KAZN: variants seen among roughly 807,000 people sequenced by gnomAD.
KAZN encodes kazrin, periplakin interacting protein.
Under a neutral mutation model 87.4 loss-of-function variants are expected in KAZN, and 40 were observed. The observed-to-expected ratio is 0.46, with a 90% CI of 0.36 to 0.60. The LOEUF is 0.60. KAZN is among the 20% of genes least tolerant of loss of function. The probability of loss-of-function intolerance (pLI) is 0.00; values close to 1 mark genes in which losing one functional copy is unlikely to be tolerated. For missense variants in KAZN, 898 were observed against 1,073.9 expected, an observed-to-expected ratio of 0.84 and a Z score of 2.29; for synonymous variants, 466 against 458.3, an observed-to-expected ratio of 1.02 and a Z score of -0.22.
intron 2 of KAZN, among the ~76,000 whole-genome samples, chr1:14,513,916 T>A (rs1671055193): frequency 6.6e-6 from 1 of 152,002 alleles, no homozygotes; most frequent in Middle Eastern, 3.2e-3. Flanking sequence ...AAAAAAAAAT[T>A]TCTGAGATTC....
At chr1:14,371,994 G>A (rs796438713) in intron 2 of KAZN, among the ~76,000 whole-genome samples, 3 of 152,314 alleles carry the variant, frequency 2.0e-5, no homozygotes, top group African/African-American at 7.2e-5. Flanking sequence ...TCTGCAAAAA[G>A]AAGAATCACT....
chr1:14,960,676 T>G lies in KAZN; in HGVS notation c.227-8T>G, dbSNP rs1391943166. The G allele has an allele frequency of 1.9e-6, 3 of 1,558,724 alleles. No individual in the cohort carries two copies. Among genetic ancestry groups the G allele is most frequent in the Non-Finnish European group, 2.6e-6 (3 of 1,150,518 alleles). ...CCTGTCCTCTAACCCTGTGCCCTTC[T>G]CCCCTAGTGCTCCTGCGGGAAGAAG... On this transcript the variant is annotated splice_polypyrimidine_tract_variant and splice_region_variant and intron_variant, in intron 1 of 14. Coordinates refer to ENST00000376030, the MANE Select transcript of KAZN (RefSeq NM_201628.3).
At chr1:15,104,286 A>C in intron 13 of KAZN, 97 bp downstream of exon 13, 1 of 1,220,218 alleles carries the variant, frequency 8.2e-7, no homozygotes, top group Non-Finnish European at 1.1e-6. Context: ...CTGGCCCATC[A>C]CTTACTGCCT....
At position 14,097,685 on chromosome 1, in the gene KAZN, G is replaced by A. The variant is rs138985047; in HGVS notation, c.92-82750G>A. On this transcript the variant is annotated intron_variant, in intron 1 of 16. Coordinates refer to the KAZN transcript ENST00000636203. ...GAATATCTGGTTTGTTCTTTATCTT[G>A]TGAATTGAACCTGTTATAGAATACT... Among the ~76,000 whole-genome samples the A allele has an allele frequency of 2.7e-4, 41 of 152,294 alleles. No homozygotes were observed. The East Asian group carries it at 6.7e-3, about 25-fold the overall frequency.
rs769786335 is a variant in KAZN, at chr1:14,773,626, C to T, written c.226+174403C>T. 1.2e-4 allele frequency among the ~76,000 whole-genome samples: 19 copies of T among 152,172 alleles called. No homozygotes were observed. The highest frequency in any genetic ancestry group is 2.8e-4 in the Non-Finnish European group (19 of 68,034). ...TGGAAATGAGGTCAGGCACCCGCCA[C>T]CCGGTTCTCCTTCTTCCTCTTCTAA... On this transcript the variant is annotated intron_variant, in intron 1 of 14. Coordinates refer to ENST00000376030, the MANE Select transcript of KAZN (RefSeq NM_201628.3). The surrounding 1 kb of genome is among the most constrained non-coding windows in gnomAD (Gnocchi z 5.9).
At chr1:15,083,364 G>A (rs908610761) in intron 8 of KAZN, among the ~76,000 whole-genome samples, 1 of 152,192 alleles carries the variant, frequency 6.6e-6, no homozygotes, top group African/African-American at 2.4e-5. Flanking sequence ...GGTGCACTGG[G>A]CCTGTCCGGC....
At chr1:14,879,304 AAG>A (rs1409386219) in intron 1 of KAZN, among the ~76,000 whole-genome samples, 1 of 152,206 alleles carries the variant, frequency 6.6e-6, no homozygotes, top group Non-Finnish European at 1.5e-5. Flanking sequence ...AAATTAATAT[AAG>A]TGAAGCACAC....
chr1:14,066,418 T>G lies in KAZN; in HGVS notation c.92-114017T>G, dbSNP rs941587137. ...ACACCATTGGGAAAGGAGAATTCAA[T>G]CTCCTTGAATCTGAATTCCTGTTGA... On this transcript the variant is annotated intron_variant, in intron 1 of 16. Transcript: ENST00000636203. 4.6e-5 allele frequency among the ~76,000 whole-genome samples: 7 copies of G among 152,338 alleles called. 1 individual carries two copies. The highest frequency in any genetic ancestry group is 4.6e-4 in the Admixed American group (7 of 15,304).
intron 1 of KAZN, among the ~76,000 whole-genome samples, chr1:14,604,938 C>T (rs537900390): frequency 6.6e-6 from 1 of 152,326 alleles, no homozygotes; most frequent in Admixed American, 6.5e-5. Context: ...TCTCCTCTGT[C>T]CTCTTCCACC....
intron 1 of KAZN, among the ~76,000 whole-genome samples, chr1:14,760,937 A>G (rs987594303): frequency 3.3e-5 from 5 of 152,236 alleles, no homozygotes; most frequent in African/African-American, 1.2e-4. Flanking sequence ...TGAGGCAGCC[A>G]TAGACAATAT....
At chr1:14,580,507 TAAATAA>T (rs1178402175) in intron 2 of KAZN, among the ~76,000 whole-genome samples, 4 of 143,704 alleles carry the variant, frequency 2.8e-5, no homozygotes, top group African/African-American at 1.0e-4. Flanking sequence ...AATAAATAAA[TAAATAA>T]ATAAAGTATA....
rs1644962571 is a variant in KAZN at position 14,769,311 on chromosome 1, G to C, written c.226+170088G>C. Among the ~76,000 whole-genome samples the C allele has an allele frequency of 2.0e-5, 3 of 152,150 alleles. No individual in the cohort carries two copies. The highest frequency in any genetic ancestry group is 2.0e-4 in the Admixed American group (3 of 15,272). On this transcript the variant is annotated intron_variant, in intron 1 of 14. Transcript: ENST00000376030. The surrounding 1 kb of genome is among the most constrained non-coding windows in gnomAD (Gnocchi z 4.1). Reference sequence around the variant, plus strand: ...GTTATTGGCTTTTGGAAAGTCCCCTGAGTGTAGGGAACTATACCTTGGTCA... The same window carrying C: ...GTTATTGGCTTTTGGAAAGTCCCCTCAGTGTAGGGAACTATACCTTGGTCA...
At chr1:14,370,420 G>T (rs1024025622) in intron 2 of KAZN, among the ~76,000 whole-genome samples, 3 of 152,218 alleles carry the variant, frequency 2.0e-5, no homozygotes, top group Admixed American at 2.0e-4. Flanking sequence ...GATCTGAGCT[G>T]AGGCTCAGTT....
intron 1 of KAZN, among the ~76,000 whole-genome samples, chr1:14,808,026 C>G (rs1646278517): frequency 6.6e-6 from 1 of 152,134 alleles, no homozygotes; most frequent in Non-Finnish European, 1.5e-5. Flanking sequence ...AGTTCTTTAG[C>G]CTATACCTGC....
intron 2 of KAZN, among the ~76,000 whole-genome samples, chr1:14,235,020 A>G (rs369833910): frequency 2.8e-4 from 43 of 152,376 alleles, no homozygotes; most frequent in South Asian, 1.0e-3. Context: ...ATGACCCAGC[A>G]ATTCCACCCA....
chr1:14,342,185 G>A (rs1657779913), intron 2 of KAZN, among the ~76,000 whole-genome samples: 1 of 152,176 alleles, frequency 6.6e-6, no homozygotes, highest in African/African-American at 2.4e-5. Context: ...TGACTGTATA[G>A]TAGTCATTCC....
chr1:14,295,345 G>A (rs1431788560), intron 2 of KAZN, among the ~76,000 whole-genome samples: 1 of 152,086 alleles, frequency 6.6e-6, no homozygotes, highest in Non-Finnish European at 1.5e-5. Flanking sequence ...TGCATATTCT[G>A]CCTCTCCTTC....
chr1:14,727,450 C>CTTTTTTTTTTTTTTTTTTTTT (rs57203868), intron 1 of KAZN, among the ~76,000 whole-genome samples: 7 of 73,908 alleles, frequency 9.5e-5, no homozygotes, highest in Admixed American at 1.8e-4. Context: ...TGTGCACTTT[C>CTTTTTTTTTTTTTTTTTTTTT]TTTTTTTTTT....
Position 15,103,310 on chromosome 1 carries a change from C to A in KAZN, c.1780-49C>A, listed in dbSNP as rs755045878. The A allele has an allele frequency of 2.1e-6, 3 of 1,416,980 alleles. No individual in the cohort carries two copies. The South Asian group carries it at 3.7e-5, about 17-fold the overall frequency. The allele number at this position is 1,416,980 out of a possible 1,614,324, so 87.8% of individuals were successfully genotyped here. ...GGGGCACCCCCACTCCACACGTGGCCTCTGCGTGTCCCCTTGTCCCTCCGA... is the reference window on the plus strand; with the variant it reads ...GGGGCACCCCCACTCCACACGTGGCATCTGCGTGTCCCCTTGTCCCTCCGA... On this transcript the variant is annotated intron_variant, in intron 11 of 14. Coordinates refer to ENST00000376030, the MANE Select transcript of KAZN (RefSeq NM_201628.3).
Sources: allele counts gnomAD v4.1 joint callset (sites outside exome capture counted in the v4.1 genomes callset), GRCh38; gene constraint gnomAD v4.1.1; non-coding constraint Gnocchi (gnomAD v3.1); transcripts MANE v1.5; gene names NCBI Gene and HGNC (gene_info 2026-07-23, HGNC 2026-07-21).